The following TASP1 variants were observed in gnomAD, a reference collection of about 807,000 sequenced individuals.
TASP1 encodes taspase 1, also known as threonine aspartase 1.
Under a neutral mutation model 56.6 loss-of-function variants are expected in TASP1, and 16 were observed. The ratio of observed to expected loss-of-function variants is 0.28; its 90% CI spans 0.19 to 0.43. The LOEUF (loss-of-function observed/expected upper bound fraction) is 0.43, where lower values mean the gene tolerates loss of function less well. Ranked by LOEUF, TASP1 falls within the 20% of genes least tolerant of loss-of-function variation. The pLI is 1.00. For synonymous variants in TASP1, 179 were observed against 184.2 expected (o/e 0.97, Z 0.23); for missense variants, 393 against 511.6 (o/e 0.77, Z 2.24).
At chr20:13,215,242 C>A in the TASP1 span, among the ~76,000 whole-genome samples, 249 of 152,306 alleles carry the variant, frequency 1.6e-3, 3 homozygotes, top group African/African-American at 5.2e-3. Context: ...GGGCCTGTTG[C>A]CTCAACTGTA....
intron 8 of TASP1, among the ~76,000 whole-genome samples, chr20:13,547,062 T>A (rs2045833800): frequency 6.6e-6 from 1 of 152,190 alleles, no homozygotes; most frequent in South Asian, 2.1e-4. Flanking sequence ...AAAATTAATA[T>A]TCAAATCATC....
chr20:13,513,498 C>G (rs2044414068), intron 10 of TASP1, among the ~76,000 whole-genome samples: 1 of 151,968 alleles, frequency 6.6e-6, no homozygotes, highest in Non-Finnish European at 1.5e-5. Context: ...TTTAGCTCAT[C>G]TCAGGCTTCA....
At chr20:13,213,179 T>C in the TASP1 span, among the ~76,000 whole-genome samples, 1 of 140,560 alleles carries the variant, frequency 7.1e-6, no homozygotes, top group East Asian at 1.9e-4. Context: ...CAACTACTCT[T>C]TAGTTATTAA....
At chr20:13,445,879 A>G (rs2043392288) in intron 11 of TASP1, among the ~76,000 whole-genome samples, 1 of 152,138 alleles carries the variant, frequency 6.6e-6, no homozygotes, top group African/African-American at 2.4e-5. Context: ...TTAATACTAA[A>G]CTAGAAGCCA....
At chr20:13,219,982 AGAGTT>A in the TASP1 span, among the ~76,000 whole-genome samples, 3 of 152,250 alleles carry the variant, frequency 2.0e-5, no homozygotes. Flanking sequence ...CCGTCAAGAA[AGAGTT>A]GATTATTTAT....
the TASP1 span, among the ~76,000 whole-genome samples, chr20:13,141,331 C>G: frequency 6.6e-6 from 1 of 152,136 alleles, no homozygotes; most frequent in African/African-American, 2.4e-5. Context: ...TGTCTCTTCT[C>G]TAGGGAAGAG....
At chr20:13,159,016 T>C in the TASP1 span, among the ~76,000 whole-genome samples, 1 of 152,214 alleles carries the variant, frequency 6.6e-6, no homozygotes, top group Non-Finnish European at 1.5e-5. Context: ...CACTCAGTAG[T>C]TAAGTTTTCC....
At chr20:13,399,954 A>T (rs779225418) in intron 13 of TASP1, among the ~76,000 whole-genome samples, 17 of 152,278 alleles carry the variant, frequency 1.1e-4, no homozygotes, top group Admixed American at 7.8e-4. Flanking sequence ...TATGCCTGGA[A>T]TGTTCTTGCC....
At chr20:13,280,901 C>T in the TASP1 span, among the ~76,000 whole-genome samples, 2 of 152,166 alleles carry the variant, frequency 1.3e-5, no homozygotes, top group African/African-American at 2.4e-5. Context: ...TACAAATGCA[C>T]CCATCGTCAT....
rs1385842053 is a variant in TASP1 at position 13,470,324 on chromosome 20, C to A, written c.985+12903G>T. On this transcript the variant is annotated intron_variant, in intron 11 of 13. Coordinates refer to ENST00000337743, the MANE Select transcript of TASP1 (RefSeq NM_017714.3). Reference sequence around the variant, plus strand: ...ACCATAACAACACCCCAGAAAGGGGCAAGCAAAAGGCATTCAATTCTACCA... The same window carrying A: ...ACCATAACAACACCCCAGAAAGGGGAAAGCAAAAGGCATTCAATTCTACCA... Among the ~76,000 whole-genome samples, 10 of 152,098 alleles carry A rather than the reference C, an allele frequency of 6.6e-5. No individual in the cohort carries two copies. The South Asian group carries it at 1.2e-3, about 19-fold the overall frequency.
chr20:13,323,694 T>A, the TASP1 span, among the ~76,000 whole-genome samples: 24 of 152,334 alleles, frequency 1.6e-4, no homozygotes, highest in Middle Eastern at 3.4e-3. Context: ...TGTCATGGAC[T>A]ACTCCCAGAG....
the TASP1 span, among the ~76,000 whole-genome samples, chr20:13,112,385 C>A: frequency 6.8e-4 from 103 of 152,324 alleles, no homozygotes; most frequent in African/African-American, 2.4e-3. Flanking sequence ...CAACGTGGTG[C>A]TGGCTTCCAA....
chr20:13,293,357 AAT>A, the TASP1 span, among the ~76,000 whole-genome samples: 1 of 152,176 alleles, frequency 6.6e-6, no homozygotes, highest in Non-Finnish European at 1.5e-5. Flanking sequence ...ACTTTTTTGA[AAT>A]AGCTTTATGT....
At chr20:13,268,615 C>T in the TASP1 span, among the ~76,000 whole-genome samples, 7 of 152,282 alleles carry the variant, frequency 4.6e-5, no homozygotes, top group East Asian at 1.4e-3. Context: ...GCCAGCTTTC[C>T]CCGGTCACTG....
the TASP1 span, among the ~76,000 whole-genome samples, chr20:13,144,330 C>A: frequency 6.6e-6 from 1 of 152,160 alleles, no homozygotes; most frequent in Non-Finnish European, 1.5e-5. Context: ...TTTAATCTTC[C>A]ACTGAACACA....
chr20:13,318,744 C>T, the TASP1 span, among the ~76,000 whole-genome samples: 1 of 152,068 alleles, frequency 6.6e-6, no homozygotes, highest in Admixed American at 6.5e-5. Context: ...TTTTTTGAAA[C>T]TCAGTGAAAA....
chr20:13,519,734 C>G (rs148762589), intron 10 of TASP1, among the ~76,000 whole-genome samples: 32,240 of 152,070 alleles, frequency 0.21, 3,571 homozygotes, highest in Middle Eastern at 0.28. Flanking sequence ...CCCTCTCTCA[C>G]CACTCCTATT....
chr20:13,573,118 A>C (rs2046775318), intron 6 of TASP1, among the ~76,000 whole-genome samples: 1 of 152,260 alleles, frequency 6.6e-6, no homozygotes, highest in Admixed American at 6.5e-5. Context: ...ATGCAAATAA[A>C]GAAAAACTTG....
rs1465346251 is a variant in TASP1, at chr20:13,594,355, A to G, written c.283-6985T>C. On this transcript the variant is annotated intron_variant, in intron 4 of 13. Transcript: ENST00000337743. ...CACAGCTCTTCGCCAGCAATGGAAC[A>G]AAGCTGGATGGAGAATGACTTTGAG... Among the ~76,000 whole-genome samples, 4 of 152,250 alleles carry G rather than the reference A, an allele frequency of 2.6e-5. No homozygotes were observed. In the South Asian group the frequency reaches 6.2e-4, roughly 24 times the overall value.
Sources: allele counts gnomAD v4.1 joint callset (sites outside exome capture counted in the v4.1 genomes callset), GRCh38; gene constraint gnomAD v4.1.1; transcripts MANE v1.5; gene names NCBI Gene and HGNC (gene_info 2026-07-23, HGNC 2026-07-21).